TESK2: variants seen among roughly 807,000 people sequenced by gnomAD.
The protein encoded by TESK2 is testis associated actin remodelling kinase 2.
TESK2 carries 39 observed loss-of-function variants against 57.1 expected under a neutral mutation model. The observed-to-expected ratio is 0.68, with a 90% CI of 0.53 to 0.89. TESK2 has a LOEUF of 0.89. Ranked by LOEUF, TESK2 falls within the 40% of genes least tolerant of loss-of-function variation. The probability of loss-of-function intolerance (pLI) is 0.00; values close to 1 mark genes in which losing one functional copy is unlikely to be tolerated. For synonymous variants in TESK2, 249 were observed against 267.9 expected (o/e 0.93, Z 0.69); for missense variants, 646 against 732.1 (o/e 0.88, Z 1.36).
chr1:45,361,477 G>T (rs1239278739), intron 4 of TESK2, among the ~76,000 whole-genome samples: 1 of 152,060 alleles, frequency 6.6e-6, no homozygotes, highest in Non-Finnish European at 1.5e-5. Flanking sequence ...CCTCTCAGTG[G>T]CTGTTACCTT....
chr1:45,354,325 G>A (rs976111395), intron 5 of TESK2, among the ~76,000 whole-genome samples: 22 of 151,932 alleles, frequency 1.4e-4, no homozygotes, highest in Non-Finnish European at 3.1e-4. Flanking sequence ...CCCCATCTCT[G>A]TTAAAAATAC....
At chr1:45,478,912 C>T (rs1341371023) in intron 1 of TESK2, among the ~76,000 whole-genome samples, 3 of 151,862 alleles carry the variant, frequency 2.0e-5, no homozygotes, top group Admixed American at 6.6e-5. Context: ...TTAGTAGAGA[C>T]GGGGTTTCAC....
chr1:45,463,471 T>C (rs1652417982), intron 1 of TESK2, among the ~76,000 whole-genome samples: 1 of 152,242 alleles, frequency 6.6e-6, no homozygotes, highest in African/African-American at 2.4e-5. Flanking sequence ...GAAGAGATTG[T>C]CCTTTCCCCA....
chr1:45,347,022 A>C lies in TESK2; in HGVS notation c.749T>G (p.Ile250Ser). 2 of 1,614,198 alleles carry C rather than the reference A, an allele frequency of 1.2e-6. No individual in the cohort carries two copies. Among genetic ancestry groups the C allele is most frequent in the South Asian group, 1.1e-5 (1 of 91,078 alleles). Residue 250 changes from isoleucine (I) to serine (S), a missense_variant, in exon 8 of 11, where the codon ATC becomes AGC. Coordinates refer to ENST00000372086, the MANE Select transcript of TESK2 (RefSeq NM_007170.3). Reference protein sequence around the residue: ...FSYGIILCEIIARIQADPDYL... With the variant: ...FSYGIILCEISARIQADPDYL... ...GTCCGGATCGGCCTGGATGCGGGCG[A>C]TGATCTCGCAGAGGATGATACCATA... is the stretch of plus-strand genomic sequence containing the variant.
At chr1:45,428,051 A>G (rs1038208021) in intron 2 of TESK2, among the ~76,000 whole-genome samples, 1 of 152,196 alleles carries the variant, frequency 6.6e-6, no homozygotes, top group Non-Finnish European at 1.5e-5. Flanking sequence ...CATAAAAATA[A>G]AAGTTTAAAA....
chr1:45,462,266 G>A (rs1036826246), intron 1 of TESK2, among the ~76,000 whole-genome samples: 4 of 151,794 alleles, frequency 2.6e-5, no homozygotes, highest in Non-Finnish European at 5.9e-5. Flanking sequence ...TGCAAAAAAA[G>A]GGATCTCTTT....
At chr1:45,477,058 C>CAAAAAAAA (rs367548030) in intron 1 of TESK2, among the ~76,000 whole-genome samples, 31,766 of 123,372 alleles carry the variant, frequency 0.26, 4,731 homozygotes, top group African/African-American at 0.33. Context: ...ACGTCTCTAC[C>CAAAAAAAA]AAAAAAAAAA....
At chr1:45,360,840 C>T (rs147727935) in intron 4 of TESK2, among the ~76,000 whole-genome samples, 1 of 152,102 alleles carries the variant, frequency 6.6e-6, no homozygotes, top group African/African-American at 2.4e-5. Context: ...TTTTTTGAGA[C>T]GGAGTCTCAC....
At chr1:45,376,852 CAT>C (rs1287517330) in intron 4 of TESK2, among the ~76,000 whole-genome samples, 3 of 152,248 alleles carry the variant, frequency 2.0e-5, no homozygotes, top group Non-Finnish European at 2.9e-5. Flanking sequence ...GAATAGGAAA[CAT>C]AATTTTTTAG....
chr1:45,345,355 G>A lies in TESK2; in HGVS notation c.1201C>T (p.Pro401Ser). The A allele has an allele frequency of 6.2e-7, 1 of 1,614,164 alleles. No individual in the cohort carries two copies. The highest frequency in any genetic ancestry group is 8.5e-7 in the Non-Finnish European group (1 of 1,180,038). The stretch of plus-strand genomic sequence containing the variant: ...ATGAGGTCCTGGCGAGCACTAAAAG[G>A]GTTGACTTTGGGGGTGCGGGCAGCA... ...DGAARTPKVN[P>S]FSARQDLMGG... The change falls in exon 11 of 11, where the codon CCT (proline) becomes TCT (serine). Residue 401 changes from proline (P) to serine (S), a missense_variant. Pro to Ser is a moderately conservative substitution (Grantham distance 74). Coordinates refer to ENST00000372086, the MANE Select transcript of TESK2 (RefSeq NM_007170.3).
At chr1:45,368,465 C>T (rs1648039751) in intron 4 of TESK2, among the ~76,000 whole-genome samples, 1 of 150,740 alleles carries the variant, frequency 6.6e-6, no homozygotes, top group South Asian at 2.1e-4. Flanking sequence ...ACCTCCGCCT[C>T]TGGGTTCAAG....
intron 3 of TESK2, among the ~76,000 whole-genome samples, chr1:45,417,088 T>G (rs1042599053): frequency 1.6e-4 from 25 of 152,154 alleles, no homozygotes; most frequent in Non-Finnish European, 2.9e-5. Context: ...ACCCAGCCTC[T>G]TCTCTCTACT....
At chr1:45,347,740 CA>C (rs1647167084) in intron 6 of TESK2, 47 bp from the exon 7 acceptor site, 7 of 1,590,804 alleles carry the variant, frequency 4.4e-6, no homozygotes, top group Non-Finnish European at 6.0e-6. Context: ...ATGGCTGGTG[CA>C]ATGGAATCTT....
At chr1:45,374,727 T>C (rs901160112) in intron 4 of TESK2, among the ~76,000 whole-genome samples, 3 of 152,206 alleles carry the variant, frequency 2.0e-5, no homozygotes, top group Non-Finnish European at 4.4e-5. Flanking sequence ...ACCAGTACTC[T>C]ATGAAGATAT....
At chr1:45,480,142 T>C (rs1442707948) in intron 1 of TESK2, among the ~76,000 whole-genome samples, 1 of 150,966 alleles carries the variant, frequency 6.6e-6, no homozygotes, top group East Asian at 2.0e-4. Flanking sequence ...CTATCTTTTT[T>C]ACTCAATATC....
At chr1:45,384,319 C>T (rs1253625322) in intron 4 of TESK2, among the ~76,000 whole-genome samples, 1 of 144,348 alleles carries the variant, frequency 6.9e-6, no homozygotes, top group Admixed American at 7.3e-5. Context: ...GACAGGGTCT[C>T]ACTCTATGTA....
At chr1:45,465,736 C>G (rs929908560) in intron 1 of TESK2, among the ~76,000 whole-genome samples, 2 of 152,094 alleles carry the variant, frequency 1.3e-5, no homozygotes, top group African/African-American at 4.8e-5. Flanking sequence ...TAAAGATATT[C>G]ATTTCATTTT....
chr1:45,418,972 TC>T (rs1184449422), intron 3 of TESK2, among the ~76,000 whole-genome samples: 2 of 150,508 alleles, frequency 1.3e-5, no homozygotes, highest in East Asian at 3.9e-4. Flanking sequence ...CTAGAAGGCT[TC>T]CCTGACCCTT....
chr1:45,483,231 A>C (rs1167066888), intron 1 of TESK2, among the ~76,000 whole-genome samples: 2 of 151,358 alleles, frequency 1.3e-5, no homozygotes, highest in East Asian at 3.9e-4. Flanking sequence ...CAATGAGCTG[A>C]GATCACACCA....
Sources: allele counts gnomAD v4.1 joint callset (sites outside exome capture counted in the v4.1 genomes callset), GRCh38; gene constraint gnomAD v4.1.1; transcripts MANE v1.5; gene names NCBI Gene and HGNC (gene_info 2026-07-23, HGNC 2026-07-21).